MACIR: variants seen among roughly 807,000 people sequenced by gnomAD.
MACIR encodes UNC119-binding protein C5orf30.
Under a neutral mutation model 14.3 loss-of-function variants are expected in MACIR, and 4 were observed. The ratio of observed to expected loss-of-function variants is 0.28; its 90% CI spans 0.14 to 0.64. The LOEUF (loss-of-function observed/expected upper bound fraction) is 0.64, where lower values mean the gene tolerates loss of function less well. MACIR is among the 30% of genes least tolerant of loss of function. The pLI is 0.83. For synonymous variants in MACIR, 101 were observed against 102.4 expected (o/e 0.99, Z 0.08); for missense variants, 228 against 257.6 (o/e 0.89, Z 0.79).
In MACIR at chr5:103,277,537, A is replaced by G. The variant is rs1190692407; in HGVS notation, c.*997A>G. ...CATGGCATCAGGTCATTGCAGTTTTAGTTCTGTGTAACACAAGCACTCACT... is the reference window on the plus strand; with the variant it reads ...CATGGCATCAGGTCATTGCAGTTTTGGTTCTGTGTAACACAAGCACTCACT... On this transcript the variant is annotated 3_prime_UTR_variant, in exon 3 of 3. Coordinates refer to ENST00000319933, the MANE Select transcript of MACIR (RefSeq NM_033211.4). 1 of 167,058 alleles carries G rather than the reference A, an allele frequency of 6.0e-6. No individual in the cohort carries two copies. Among genetic ancestry groups the G allele is most frequent in the African/African-American group, 2.4e-5 (1 of 41,442 alleles). 10.3% of individuals were successfully genotyped at this position (167,058 alleles called of 1,614,324 possible). A position where few individuals can be genotyped will look rare whatever the true frequency, so the allele number is the denominator to read the frequency against.
rs782234401 is a variant in MACIR, at chr5:103,276,254, G to T, written c.335G>T (p.Arg112Met). ...RSSRLYKTRS[R>M]YYQPYEIPAV... ...TCTCGTTTGTATAAAACCAGAAGTA[G>T]GTACTACCAGCCATACGAGATTCCA... The change falls in exon 3 of 3, where the codon AGG becomes ATG. Residue 112 changes from arginine (R) to methionine (M), a missense_variant. Physicochemically the swap from Arg to Met is moderately conservative, Grantham distance 91 (BLOSUM62 -1). Transcript: ENST00000319933. 1.9e-5 allele frequency: 30 copies of T among 1,612,178 alleles called. No homozygotes were observed. Among genetic ancestry groups the T allele is most frequent in the African/African-American group, 2.7e-5 (2 of 74,188 alleles).
chr5:103,274,007 G>A (rs982502552), intron 2 of MACIR, among the ~76,000 whole-genome samples: 7 of 151,940 alleles, frequency 4.6e-5, no homozygotes, highest in African/African-American at 1.7e-4. Context: ...TTTCCTCAAT[G>A]GCCCTGGTTA....
At chr5:103,271,074 A>C (rs570212796) in intron 2 of MACIR, among the ~76,000 whole-genome samples, 1 of 152,278 alleles carries the variant, frequency 6.6e-6, no homozygotes, top group South Asian at 2.1e-4. Flanking sequence ...TCTCAGCTAA[A>C]GGTTTGGGGA....
chr5:103,275,811 A>G (rs1253916225), intron 2 of MACIR, 86 bp from the exon 3 acceptor site: 3 of 1,125,072 alleles, frequency 2.7e-6, no homozygotes, highest in Non-Finnish European at 3.8e-6. Flanking sequence ...GTGTTACTTC[A>G]TGCTCCCTGA....
At chr5:103,258,493 T>G (rs534470484), upstream of MACIR, among the ~76,000 whole-genome samples, 4 of 151,816 alleles carry the variant, frequency 2.6e-5, no homozygotes, top group African/African-American at 9.7e-5. Flanking sequence ...GAGCGGGTGT[T>G]GCGACTCCTC....
At chr5:103,260,211 A>G (rs1322822602) in intron 1 of MACIR, among the ~76,000 whole-genome samples, 1 of 145,442 alleles carries the variant, frequency 6.9e-6, no homozygotes, top group Non-Finnish European at 1.5e-5. Context: ...ATGTTACTAG[A>G]CTCATTTTCC....
intron 1 of MACIR, among the ~76,000 whole-genome samples, chr5:103,261,278 G>A (rs1189680266): frequency 1.3e-5 from 2 of 152,228 alleles, no homozygotes; most frequent in African/African-American, 4.8e-5. Context: ...TCACACCCTA[G>A]TTAACTCTTC....
chr5:103,263,754 A>G (rs781114325), intron 1 of MACIR, among the ~76,000 whole-genome samples: 86 of 152,310 alleles, frequency 5.6e-4, no homozygotes, highest in Non-Finnish European at 1.1e-3. Context: ...TTATAAAAGT[A>G]TAAATGAAAT....
chr5:103,271,415 G>C (rs1805121145), intron 2 of MACIR, among the ~76,000 whole-genome samples: 1 of 152,002 alleles, frequency 6.6e-6, no homozygotes, highest in Non-Finnish European at 1.5e-5. Context: ...GGTGCACCAG[G>C]TTCTCCTATA....
At chr5:103,275,511 A>G (rs1805289588) in intron 2 of MACIR, among the ~76,000 whole-genome samples, 1 of 152,222 alleles carries the variant, frequency 6.6e-6, no homozygotes, top group African/African-American at 2.4e-5. Context: ...TTATGAAACT[A>G]TGTATGATGG....
chr5:103,268,992 G>C (rs1308886403), intron 2 of MACIR, among the ~76,000 whole-genome samples: 2 of 152,048 alleles, frequency 1.3e-5, no homozygotes, highest in Admixed American at 1.3e-4. Context: ...CATTAAGGAG[G>C]GAGGATTGCT....
At chr5:103,266,747 A>G (rs1270206316) in intron 2 of MACIR, among the ~76,000 whole-genome samples, 1 of 152,138 alleles carries the variant, frequency 6.6e-6, no homozygotes, top group Non-Finnish European at 1.5e-5. Context: ...GAATTATGTA[A>G]AGAGATCATA....
At chr5:103,266,728 C>A (rs1804935754) in intron 2 of MACIR, among the ~76,000 whole-genome samples, 1 of 152,020 alleles carries the variant, frequency 6.6e-6, no homozygotes, top group African/African-American at 2.4e-5. Flanking sequence ...CTTTGTGCAT[C>A]CTTGCCTTGA....
intron 2 of MACIR, among the ~76,000 whole-genome samples, chr5:103,275,057 T>C (rs1805270268): frequency 6.6e-6 from 1 of 152,196 alleles, no homozygotes; most frequent in Admixed American, 6.5e-5. Flanking sequence ...TGTGAATTAT[T>C]CTGCCATTTA....
At chr5:103,266,654 A>G (rs1348593981) in intron 2 of MACIR, among the ~76,000 whole-genome samples, 1 of 152,146 alleles carries the variant, frequency 6.6e-6, no homozygotes, top group African/African-American at 2.4e-5. Flanking sequence ...GTAGCTCTTT[A>G]GCATCCTTAA....
chr5:103,277,450 T>C lies in MACIR; in HGVS notation c.*910T>C, dbSNP rs1217816781. The C allele has an allele frequency of 6.0e-6, 1 of 167,094 alleles. No homozygotes were observed. Among genetic ancestry groups the C allele is most frequent in the African/African-American group, 2.4e-5 (1 of 41,470 alleles). The allele number at this position is 167,094 out of a possible 1,614,324, so 10.4% of individuals were successfully genotyped here. A position where few individuals can be genotyped will look rare whatever the true frequency, so the allele number is the denominator to read the frequency against. ...TTTCTGTAAGTGAATAATAGTTTAATAGAGGAACTCATGATTTGTACTATT... is the reference window on the plus strand; with the variant it reads ...TTTCTGTAAGTGAATAATAGTTTAACAGAGGAACTCATGATTTGTACTATT... On this transcript the variant is annotated 3_prime_UTR_variant, in exon 3 of 3. Transcript: ENST00000319933.
At chr5:103,266,488 T>C (rs1804926744) in intron 2 of MACIR, among the ~76,000 whole-genome samples, 1 of 152,170 alleles carries the variant, frequency 6.6e-6, no homozygotes, top group East Asian at 1.9e-4. Flanking sequence ...ACATTCTTTT[T>C]ATCACACCCT....
At chr5:103,272,379 A>C (rs1264351206) in intron 2 of MACIR, among the ~76,000 whole-genome samples, 1 of 121,670 alleles carries the variant, frequency 8.2e-6, no homozygotes, top group Admixed American at 8.1e-5. Flanking sequence ...TTTTTTTTCC[A>C]GAATTCTGGA....
At chr5:103,263,210 C>CTCCTCCTCCTCCTGCTCT (rs1554236454) in intron 1 of MACIR, among the ~76,000 whole-genome samples, 5,738 of 140,846 alleles carry the variant, frequency 0.041, 350 homozygotes, top group African/African-American at 0.14. Flanking sequence ...CCTCCTCCTC[C>CTCCTCCTCCTCCTGCTCT]TCCTCCTCCT....
Sources: gnomAD v4.1 joint callset for allele counts (sites outside exome capture counted in the v4.1 genomes callset) on GRCh38, gnomAD v4.1.1 for gene constraint, MANE v1.5 for transcripts, NCBI Gene and HGNC (gene_info 2026-07-23, HGNC 2026-07-21) for gene names.